Variants in ITPR1 observed in about 807,000 individuals in gnomAD.
The protein encoded by ITPR1 is inositol 1,4,5-trisphosphate receptor type 1.
Under a neutral mutation model 318.4 loss-of-function variants are expected in ITPR1, and 96 were observed. That is an observed-to-expected ratio of 0.30 (90% CI 0.26 to 0.36). The LOEUF (loss-of-function observed/expected upper bound fraction) is 0.36. Among genes scored for constraint, ITPR1 ranks in the 10% least tolerant of loss-of-function variants. ITPR1 has a pLI of 1.00. For synonymous variants in ITPR1, 1,312 were observed against 1,289.9 expected (o/e 1.02, Z -0.37); for missense variants, 2,440 against 3,460.2 (o/e 0.71, Z 7.40).
rs1473133259 is a variant in ITPR1 at position 4,836,669 on chromosome 3, TGA to T, written c.8029-101_8029-100del. On this transcript the variant is annotated intron_variant, in intron 60 of 61. Transcript: ENST00000649015. ...TCTGCCATAGAAGGAGATAACCTAA[TGA>T]GAGTTAGGAAACATGGCACGGTAAG... The T allele has an allele frequency of 1.1e-5, 12 of 1,126,992 alleles. 1 individual carries two copies. The East Asian group carries it at 3.5e-4, about 33-fold the overall frequency. 69.8% of individuals were successfully genotyped at this position (1,126,992 alleles called of 1,614,324 possible).
intron 2 of ITPR1, among the ~76,000 whole-genome samples, chr3:4,497,570 A>G (rs2080689643): frequency 6.6e-6 from 1 of 152,246 alleles, no homozygotes; most frequent in Non-Finnish European, 1.5e-5. Context: ...AACAGAAAAT[A>G]ACAAGTGGAG....
intron 4 of ITPR1, among the ~76,000 whole-genome samples, chr3:4,615,373 CTTTT>C (rs11330102): frequency 8.1e-6 from 1 of 122,822 alleles, no homozygotes; most frequent in African/African-American, 3.1e-5. Context: ...TGATTTCTTT[CTTTT>C]TTTTTTTTTT....
At chr3:4,769,963 C>T (rs1265675372) in intron 46 of ITPR1, among the ~76,000 whole-genome samples, 1 of 152,176 alleles carries the variant, frequency 6.6e-6, no homozygotes, top group Non-Finnish European at 1.5e-5. Flanking sequence ...GGTTTGTTGC[C>T]AACTCCTGGA....
rs41315884 is a variant in ITPR1, at chr3:4,847,002, C to T, written c.*777C>T. On this transcript the variant is annotated 3_prime_UTR_variant, in exon 62 of 62. Coordinates refer to ENST00000649015, the MANE Select transcript of ITPR1 (RefSeq NM_001378452.1). ...TAATGAATTTTTTAAAGGGAACTTT[C>T]TATGCAATGTTCAGGATAAATGCAT... 0.053 allele frequency: 8,156 copies of T among 152,660 alleles called. 313 individuals are homozygous for T. Among genetic ancestry groups the T allele is most frequent in the African/African-American group, 0.11 (4,533 of 41,534 alleles). The allele number at this position is 152,660 out of a possible 1,614,324, so 9.5% of individuals were successfully genotyped here.
At chr3:4,508,892 G>A (rs1028933216) in intron 2 of ITPR1, among the ~76,000 whole-genome samples, 5 of 152,168 alleles carry the variant, frequency 3.3e-5, no homozygotes, top group Non-Finnish European at 7.3e-5. Context: ...CAGCCACCTC[G>A]TGGGCTTACA....
intron 4 of ITPR1, among the ~76,000 whole-genome samples, chr3:4,597,801 C>T (rs2090965385): frequency 6.6e-6 from 1 of 152,168 alleles, no homozygotes; most frequent in Non-Finnish European, 1.5e-5. Context: ...CAGGTAACCT[C>T]CTAGCTTGGC....
intron 16 of ITPR1, among the ~76,000 whole-genome samples, chr3:4,664,798 A>G (rs2093911509): frequency 3.3e-5 from 5 of 152,238 alleles, no homozygotes; most frequent in Admixed American, 3.3e-4. Flanking sequence ...TGGTAAGGAA[A>G]TGCGGGTTTA....
intron 58 of ITPR1, 45 bp downstream of exon 58, chr3:4,814,607 G>A (rs2049166877): frequency 8.1e-7 from 1 of 1,238,410 alleles, no homozygotes; most frequent in Non-Finnish European, 1.1e-6. Context: ...GGGCGGGTGG[G>A]GTGGTTGGTG....
intron 44 of ITPR1, among the ~76,000 whole-genome samples, chr3:4,738,554 A>T (rs1038485717): frequency 9.9e-5 from 15 of 152,208 alleles, no homozygotes; most frequent in African/African-American, 3.4e-4. Context: ...TTAATTAAGG[A>T]CTAACAATGA....
chr3:4,701,304 AGG>A (rs1278337643), intron 35 of ITPR1, among the ~76,000 whole-genome samples: 1 of 152,180 alleles, frequency 6.6e-6, no homozygotes, highest in East Asian at 1.9e-4. Context: ...CTTCCTTCAC[AGG>A]GTGATGGTGA....
intron 4 of ITPR1, among the ~76,000 whole-genome samples, chr3:4,573,492 A>G (rs777502555): frequency 6.6e-6 from 1 of 152,214 alleles, no homozygotes; most frequent in Non-Finnish European, 1.5e-5. Context: ...ATTTAAGAAT[A>G]TAAGCTACAT....
intron 38 of ITPR1, 34 bp from the exon 39 acceptor site, chr3:4,711,723 C>G: frequency 1.7e-6 from 2 of 1,143,660 alleles, no homozygotes; most frequent in Non-Finnish European, 2.6e-6. Context: ...AAATTAGCTT[C>G]AAGGAAGTAA....
In ITPR1 at chr3:4,825,802, C is replaced by T. The variant is rs1409127780; in HGVS notation, c.8028+7560C>T. On this transcript the variant is annotated intron_variant, in intron 60 of 61. Coordinates refer to ENST00000649015, the MANE Select transcript of ITPR1 (RefSeq NM_001378452.1). Reference sequence around the variant, plus strand: ...AGACACTTTCTGAAGTTGGGGACAACAGCTTCCAGCCAGAGGCAACGCAAG... The same window carrying T: ...AGACACTTTCTGAAGTTGGGGACAATAGCTTCCAGCCAGAGGCAACGCAAG... The T allele has an allele frequency of 1.8e-5, 8 of 456,724 alleles. No homozygotes were observed. In the Admixed American group the frequency reaches 1.9e-4, roughly 11 times the overall value. The allele number at this position is 456,724 out of a possible 1,614,324, so 28.3% of individuals were successfully genotyped here.
intron 43 of ITPR1, 70 bp from the exon 44 acceptor site, chr3:4,735,094 C>T (rs1007297175): frequency 3.1e-5 from 37 of 1,203,810 alleles, no homozygotes; most frequent in Non-Finnish European, 4.1e-5. Flanking sequence ...AGTGTTGGTG[C>T]GTAGTAAGTA....
Position 4,710,205 on chromosome 3 carries a change from TA to T in ITPR1, c.4843-117del. 1 of 923,330 alleles carries T rather than the reference TA, an allele frequency of 1.1e-6. No homozygotes were observed. Among genetic ancestry groups the T allele is most frequent in the Non-Finnish European group, 1.5e-6 (1 of 663,218 alleles). 57.2% of individuals were successfully genotyped at this position (923,330 alleles called of 1,614,324 possible). On this transcript the variant is annotated intron_variant, in intron 37 of 61. Coordinates refer to ENST00000649015, the MANE Select transcript of ITPR1 (RefSeq NM_001378452.1). This position sits in a 1 kb window ranked among gnomAD's most constrained non-coding sequence, Gnocchi z 4.2. ...AATAATTTGAGATGCCAGACGGTAC[TA>T]AAGTTACTCTAACCTAGCCTACCCG...
At chr3:4,589,764 T>TA (rs10713338) in intron 4 of ITPR1, among the ~76,000 whole-genome samples, 106 of 148,902 alleles carry the variant, frequency 7.1e-4, no homozygotes, top group Middle Eastern at 3.5e-3. Context: ...CCAGAAGAAT[T>TA]AAAAAAAAAA....
At chr3:4,626,042 G>A (rs1252570643) in intron 4 of ITPR1, among the ~76,000 whole-genome samples, 2 of 152,238 alleles carry the variant, frequency 1.3e-5, no homozygotes, top group East Asian at 1.9e-4. Context: ...GAGAAGCTGA[G>A]GCAGGAGGAT....
intron 13 of ITPR1, among the ~76,000 whole-genome samples, chr3:4,660,009 A>T (rs2093798739): frequency 6.6e-6 from 1 of 152,212 alleles, no homozygotes; most frequent in Non-Finnish European, 1.5e-5. Context: ...AAGGAAGAAT[A>T]CCTAAAAATA....
rs553803088 is a variant in ITPR1, at chr3:4,598,383, A to T, written c.164-29380A>T. Among the ~76,000 whole-genome samples, 572 of 152,226 alleles carry T rather than the reference A, an allele frequency of 3.8e-3. 7 individuals are homozygous for T. The highest frequency in any genetic ancestry group is 0.013 in the African/African-American group (551 of 41,550). ...GCCTATAATCTCAGCACTTTGGGAG[A>T]ATGAAGTGGGTGAATCAGTTGAGCC... On this transcript the variant is annotated intron_variant, in intron 4 of 61. Transcript: ENST00000649015.
Sources: allele counts gnomAD v4.1 joint callset (sites outside exome capture counted in the v4.1 genomes callset), GRCh38; gene constraint gnomAD v4.1.1; non-coding constraint Gnocchi (gnomAD v3.1); transcripts MANE v1.5; gene names NCBI Gene and HGNC (gene_info 2026-07-23, HGNC 2026-07-21).